PAX8: variants seen among roughly 807,000 people sequenced by gnomAD.
PAX8 encodes paired box 8, also known as paired box protein Pax-8.
Under a neutral mutation model 52.4 loss-of-function variants are expected in PAX8, and 15 were observed. The ratio of observed to expected loss-of-function variants is 0.29; its 90% confidence interval spans 0.19 to 0.44. The LOEUF is 0.44. PAX8 is among the 20% of genes least tolerant of loss of function. The pLI is 1.00. For synonymous variants in PAX8, 284 were observed against 249.7 expected, an observed-to-expected ratio of 1.14 and a Z score of -1.29; for missense variants, 554 against 602.5, an observed-to-expected ratio of 0.92 and a Z score of 0.84.
chr2:113,247,000 G>C (rs565312803), intron 2 of PAX8, 81 bp from the exon 3 acceptor site: 2 of 1,262,142 alleles, frequency 1.6e-6, no homozygotes, highest in Non-Finnish European at 2.3e-6. Context: ...TACAGGTGCT[G>C]GTGTGTGTGT....
intron 7 of PAX8, 58 bp from the exon 8 acceptor site, chr2:113,236,779 A>G (rs1313234833): frequency 6.5e-7 from 1 of 1,535,828 alleles, no homozygotes; most frequent in East Asian, 2.4e-5. Flanking sequence ...ACCTTCCTGC[A>G]GACCCTGAGC....
intron 10 of PAX8, among the ~76,000 whole-genome samples, chr2:113,220,759 G>A (rs74673816): frequency 6.6e-6 from 1 of 152,294 alleles, no homozygotes; most frequent in East Asian, 1.9e-4. Context: ...TTAAGGATGG[G>A]AGAGGAGGGA....
In PAX8 at chr2:113,241,632, G is replaced by T; in HGVS notation, c.696C>A (p.His232Gln). 2 of 1,614,064 alleles carry T rather than the reference G, an allele frequency of 1.2e-6. No homozygotes were observed. Among genetic ancestry groups the T allele is most frequent in the Middle Eastern group, 3.3e-4 (2 of 6,056 alleles). ...CAAATGGGCACTCGAGCGGCTCGAG[G>T]TGGTGCTGGCTGAAGGCATCCGTGC... is the stretch of plus-strand genomic sequence containing the variant. ...HLRTDAFSQH[H>Q]LEPLECPFER... The change falls in exon 7 of 12, where the codon CAC becomes CAA. Residue 232 changes from histidine to glutamine, a missense_variant. By Grantham distance (24) the His-to-Gln change is conservative (BLOSUM62 0). Transcript: ENST00000429538.
At position 113,244,640 on chromosome 2, in the gene PAX8, A is replaced by T; in HGVS notation, c.192-16T>A. On this transcript the variant is annotated splice_polypyrimidine_tract_variant and intron_variant, in intron 3 of 11. Coordinates refer to ENST00000429538, the MANE Select transcript of PAX8 (RefSeq NM_003466.4). ...CTCGTAGTACCTACTCCAATAGAGA[A>T]TCCCAAAGAATTACCCAATAAGCAG... The T allele has an allele frequency of 3.1e-6, 5 of 1,611,886 alleles. No homozygotes were observed. Among genetic ancestry groups the T allele is most frequent in the Non-Finnish European group, 4.2e-6 (5 of 1,178,020 alleles).
chr2:113,255,295 A>C (rs1354886045), intron 2 of PAX8: 1 of 8,282 alleles, frequency 1.2e-4, no homozygotes, highest in Non-Finnish European at 2.1e-4. Flanking sequence ...GGGAGGGAGG[A>C]GGGAGGGGAG....
chr2:113,266,733 G>A (rs988088430), intron 2 of PAX8: 5 of 152,176 alleles, frequency 3.3e-5, no homozygotes, highest in Admixed American at 2.0e-4. Flanking sequence ...TGCTAAGTCC[G>A]ATCCCAGATC....
chr2:113,267,233 G>C (rs1693141738), intron 2 of PAX8: 1 of 152,406 alleles, frequency 6.6e-6, no homozygotes, highest in South Asian at 2.1e-4. Flanking sequence ...ATTCTTGGGG[G>C]ACCTTGAGGC....
chr2:113,234,001 C>T (rs1307509651), intron 9 of PAX8, among the ~76,000 whole-genome samples: 1 of 152,236 alleles, frequency 6.6e-6, no homozygotes, highest in Non-Finnish European at 1.5e-5. Flanking sequence ...TCCAGCATTT[C>T]AAGGTCGTCG....
chr2:113,275,886 T>A (rs1693778101), intron 2 of PAX8: 2 of 152,204 alleles, frequency 1.3e-5, no homozygotes, highest in African/African-American at 4.8e-5. Context: ...ACGTTAAGAC[T>A]CTCTGCAAGG....
intron 9 of PAX8, among the ~76,000 whole-genome samples, chr2:113,228,982 A>T (rs1689739531): frequency 6.6e-6 from 1 of 152,198 alleles, no homozygotes; most frequent in African/African-American, 2.4e-5. Flanking sequence ...CTGAGTAAAT[A>T]CTATATTCTA....
At chr2:113,255,084 AAG>A (rs1692103613) in intron 2 of PAX8, among the ~76,000 whole-genome samples, 1 of 128,520 alleles carries the variant, frequency 7.8e-6, no homozygotes, top group Non-Finnish European at 1.8e-5. Context: ...AGAAGGAAGG[AAG>A]GAAAAAAGAA....
At chr2:113,276,694 ACATCGTCT>A (rs1304759749) in intron 2 of PAX8, 1 of 149,108 alleles carries the variant, frequency 6.7e-6, no homozygotes, top group African/African-American at 2.5e-5. Context: ...AGGGACGGGG[ACATCGTCT>A]CATTTCTTGG....
At chr2:113,225,197 A>G (rs1689493083) in intron 10 of PAX8, among the ~76,000 whole-genome samples, 1 of 152,260 alleles carries the variant, frequency 6.6e-6, no homozygotes, top group Admixed American at 6.5e-5. Flanking sequence ...CTAGACATGC[A>G]AAAGTACATA....
At chr2:113,253,091 C>G (rs1691913354) in intron 2 of PAX8, among the ~76,000 whole-genome samples, 1 of 152,220 alleles carries the variant, frequency 6.6e-6, no homozygotes, top group Non-Finnish European at 1.5e-5. Flanking sequence ...GCCATGTTCT[C>G]CCTCTTGAAG....
chr2:113,250,537 T>G (rs1278315901), intron 2 of PAX8, among the ~76,000 whole-genome samples: 1 of 152,188 alleles, frequency 6.6e-6, no homozygotes, highest in African/African-American at 2.4e-5. Flanking sequence ...GGGATTGAAC[T>G]AAGAATTTAT....
At chr2:113,224,212 A>C (rs556588652) in intron 10 of PAX8, among the ~76,000 whole-genome samples, 1 of 152,142 alleles carries the variant, frequency 6.6e-6, no homozygotes, top group South Asian at 2.1e-4. Context: ...GATGGATGGA[A>C]AGATGGATGA....
intron 2 of PAX8, among the ~76,000 whole-genome samples, chr2:113,260,881 T>TGTGTGTGA (rs1169609557): frequency 8.0e-5 from 12 of 149,914 alleles, no homozygotes; most frequent in Non-Finnish European, 1.6e-4. Flanking sequence ...GACTGTTTTG[T>TGTGTGTGA]GTGTGTGTGT....
intron 6 of PAX8, 110 bp downstream of exon 6, chr2:113,241,898 C>T: frequency 6.9e-7 from 1 of 1,450,604 alleles, no homozygotes; most frequent in Non-Finnish European, 9.6e-7. Context: ...CAGTCACATG[C>T]AGAGCCCCTA....
intron 2 of PAX8, chr2:113,266,272 C>T (rs571693641): frequency 6.6e-6 from 1 of 152,278 alleles, no homozygotes; most frequent in African/African-American, 2.4e-5. Context: ...TAAAGGAAAT[C>T]TCAAGGAAGG....
Sources: gnomAD v4.1 joint callset for allele counts (sites outside exome capture counted in the v4.1 genomes callset) on GRCh38, gnomAD v4.1.1 for gene constraint, MANE v1.5 for transcripts, NCBI Gene and HGNC (gene_info 2026-07-23, HGNC 2026-07-21) for gene names.